The following NF1 variants were observed in gnomAD, a reference collection of about 807,000 sequenced individuals.
The protein encoded by NF1 is neurofibromin 1, also known as neurofibromin.
Under a neutral mutation model 325.7 loss-of-function variants are expected in NF1, and 122 were observed. That is an observed-to-expected ratio of 0.37 (90% CI 0.32 to 0.44). The LOEUF (loss-of-function observed/expected upper bound fraction) is 0.44, where lower values mean the gene tolerates loss of function less well. Among genes scored for constraint, NF1 ranks in the 20% least tolerant of loss-of-function variants. The probability of loss-of-function intolerance (pLI) is 1.00; values close to 1 mark genes in which losing one functional copy is unlikely to be tolerated. For missense variants in NF1, 2,140 were observed against 3,415.4 expected, an observed-to-expected ratio of 0.63 and a Z score of 9.31; for synonymous variants, 1,091 against 1,186.0, an observed-to-expected ratio of 0.92 and a Z score of 1.65.
At chr17:31,318,871 T>C in intron 36 of NF1, 28 of 1,614,090 alleles carry the variant, frequency 1.7e-5, no homozygotes, top group Non-Finnish European at 2.3e-5. Context: ...TGTCTTGTTT[T>C]GAATAACTGA....
At chr17:31,219,836 T>C (rs2143992096) in intron 14 of NF1, among the ~76,000 whole-genome samples, 1 of 152,316 alleles carries the variant, frequency 6.6e-6, no homozygotes, top group Admixed American at 6.5e-5. Flanking sequence ...CTTTTATGTC[T>C]GGCTACCTTG....
At chr17:31,255,938 A>ACT (rs1439210021) in intron 31 of NF1, among the ~76,000 whole-genome samples, 1 of 152,160 alleles carries the variant, frequency 6.6e-6, no homozygotes, top group Non-Finnish European at 1.5e-5. Flanking sequence ...TTATAAACTA[A>ACT]CTGGTTCTTT....
At chr17:31,305,678 T>C in intron 36 of NF1, 1 of 1,501,814 alleles carries the variant, frequency 6.7e-7, no homozygotes, top group South Asian at 1.3e-5. Flanking sequence ...GCGTCATTGG[T>C]GTCTAGTTAA....
rs557953641 is a variant in NF1 at position 31,314,435 on chromosome 17, ACT to A, written c.4836-11382_4836-11381del. The stretch of plus-strand genomic sequence containing the variant: ...GTTTACTTGTATGACCTTAGGCAAG[ACT>A]CTGCACTTCTGAGTCACCGTTTCCT... On this transcript the variant is annotated intron_variant, in intron 36 of 57. Coordinates refer to ENST00000358273, the MANE Select transcript of NF1 (RefSeq NM_001042492.3). 50 of 156,532 alleles carry A rather than the reference ACT, an allele frequency of 3.2e-4. No homozygotes were observed. The highest frequency in any genetic ancestry group is 1.4e-3 in the South Asian group (7 of 4,856). The allele number at this position is 156,532 out of a possible 1,614,324, so 9.7% of individuals were successfully genotyped here.
chr17:31,138,521 C>T (rs866691704), intron 1 of NF1: 9 of 152,086 alleles, frequency 5.9e-5, no homozygotes, highest in African/African-American at 2.2e-4. Context: ...GCCTGGGCTT[C>T]TCAAAGTGCT....
intron 36 of NF1, chr17:31,318,860 C>T (rs1350623343): frequency 8.7e-6 from 14 of 1,614,004 alleles, no homozygotes; most frequent in Non-Finnish European, 1.1e-5. Context: ...TGGTTTCTGC[C>T]TGTCTTGTTT....
At chr17:31,279,676 A>G (rs867172569) in intron 36 of NF1, among the ~76,000 whole-genome samples, 1 of 152,136 alleles carries the variant, frequency 6.6e-6, no homozygotes, top group Middle Eastern at 3.4e-3. Flanking sequence ...TGAGAGGCCT[A>G]ATTGTGAGTA....
chr17:31,213,025 T>C (rs1037656101), intron 12 of NF1, among the ~76,000 whole-genome samples: 5 of 152,234 alleles, frequency 3.3e-5, no homozygotes, highest in African/African-American at 2.4e-5. Context: ...TACCTGCTCA[T>C]TGTTCTCTGA....
At chr17:31,188,276 C>T (rs1000351897) in intron 8 of NF1, among the ~76,000 whole-genome samples, 4 of 152,210 alleles carry the variant, frequency 2.6e-5, no homozygotes, top group African/African-American at 9.6e-5. Context: ...CTGTAATTGT[C>T]ATGAGTATTT....
rs1264181980 is a variant in NF1 at position 31,258,275 on chromosome 17, G to C, written c.4174-69G>C. ...AGTTTTTATGCAAAGTTTGACCTTT[G>C]AACTCTTTGTTTTCATGTCTTTATA... On this transcript the variant is annotated intron_variant, in intron 31 of 57. Coordinates refer to ENST00000358273, the MANE Select transcript of NF1 (RefSeq NM_001042492.3). 4 of 1,560,174 alleles carry C rather than the reference G, an allele frequency of 2.6e-6. No homozygotes were observed. The South Asian group carries it at 4.5e-5, about 17-fold the overall frequency.
chr17:31,120,447 A>G (rs974298181), intron 1 of NF1, among the ~76,000 whole-genome samples: 3 of 152,140 alleles, frequency 2.0e-5, no homozygotes, highest in African/African-American at 7.2e-5. Context: ...ATTTTTGCAC[A>G]TTGATTTTGT....
intron 12 of NF1, among the ~76,000 whole-genome samples, chr17:31,214,228 A>T (rs1485599335): frequency 6.6e-6 from 1 of 151,736 alleles, no homozygotes; most frequent in African/African-American, 2.4e-5. Flanking sequence ...TATTAGATTG[A>T]TAAAAAAAAA....
At chr17:31,130,321 C>A (rs1210163516) in intron 1 of NF1, among the ~76,000 whole-genome samples, 2 of 152,132 alleles carry the variant, frequency 1.3e-5, no homozygotes, top group African/African-American at 4.8e-5. Context: ...CACAATACTC[C>A]CGTGGGTTGT....
chr17:31,201,478 T>C lies in NF1; in HGVS notation c.1253T>C (p.Ile418Thr). The part of the protein sequence containing the change: ...YVLVNSLHRI[I>T]TNSALDWWPK... ...CTGGTAAATTCACTCCATCGAATCA[T>C]CACCAATGTAAGTCCAAAAGGTATT... Residue 418 changes from isoleucine to threonine, a missense_variant, in exon 11 of 58, where the codon ATC becomes ACC. This residue lies in a region of NF1 where 179 missense variants were observed against 381.0 expected (regional missense o/e 0.47). Coordinates refer to ENST00000358273, the MANE Select transcript of NF1 (RefSeq NM_001042492.3). 1 of 1,611,564 alleles carries C rather than the reference T, an allele frequency of 6.2e-7. No homozygotes were observed. The highest frequency in any genetic ancestry group is 8.5e-7 in the Non-Finnish European group (1 of 1,178,190).
At chr17:31,128,058 C>T (rs977762034) in intron 1 of NF1, among the ~76,000 whole-genome samples, 1 of 151,728 alleles carries the variant, frequency 6.6e-6, no homozygotes, top group African/African-American at 2.4e-5. Context: ...CATCCCACCT[C>T]AGCCTCCCGA....
At chr17:31,315,070 C>T (rs568566910) in intron 36 of NF1, among the ~76,000 whole-genome samples, 7 of 152,234 alleles carry the variant, frequency 4.6e-5, no homozygotes, top group African/African-American at 1.4e-4. Flanking sequence ...AGTACCCTTT[C>T]GTATGCCTGT....
intron 8 of NF1, among the ~76,000 whole-genome samples, chr17:31,200,177 G>A (rs1401560416): frequency 6.6e-6 from 1 of 151,748 alleles, no homozygotes; most frequent in Non-Finnish European, 1.5e-5. Flanking sequence ...AGCTTGTTTG[G>A]GAAGGACTGT....
At chr17:31,346,175 C>G in intron 48 of NF1, 1 of 1,611,416 alleles carries the variant, frequency 6.2e-7, no homozygotes, top group Non-Finnish European at 8.5e-7. Flanking sequence ...CTATTCAGTC[C>G]AAAGAAGCAT....
At chr17:31,216,440 C>A (rs1273490910) in intron 13 of NF1, among the ~76,000 whole-genome samples, 2 of 152,142 alleles carry the variant, frequency 1.3e-5, no homozygotes, top group Non-Finnish European at 1.5e-5. Context: ...CATAAAAAAT[C>A]TGAGTCTTAG....
Sources: gnomAD v4.1 joint callset for allele counts (sites outside exome capture counted in the v4.1 genomes callset) on GRCh38, gnomAD v4.1.1 for gene constraint, gnomAD v4.1.1 regional missense constraint, MANE v1.5 for transcripts, NCBI Gene and HGNC (gene_info 2026-07-23, HGNC 2026-07-21) for gene names.